The following MARCHF11 variants were observed in gnomAD, a reference collection of about 807,000 sequenced individuals.
The protein encoded by MARCHF11 is E3 ubiquitin-protein ligase MARCHF11.
Under a neutral mutation model 37.3 loss-of-function variants are expected in MARCHF11, and 29 were observed. That is an observed-to-expected ratio of 0.78 (90% CI 0.58 to 1.06). The LOEUF is 1.06. Ranked by LOEUF, MARCHF11 falls within the 50% of genes least tolerant of loss-of-function variation. The pLI is 0.00. For synonymous variants in MARCHF11, 233 were observed against 228.0 expected (o/e 1.02, Z -0.20); for missense variants, 482 against 533.4 (o/e 0.90, Z 0.95).
In MARCHF11 at chr5:16,136,282, GA is replaced by G. The variant is rs542237160; in HGVS notation, c.693+41443del. Among the ~76,000 whole-genome samples, 8 of 148,154 alleles carry G rather than the reference GA, an allele frequency of 5.4e-5. No homozygotes were observed. In the East Asian group the frequency reaches 7.8e-4, roughly 15 times the overall value. On this transcript the variant is annotated intron_variant, in intron 2 of 3. Transcript: ENST00000332432. ...ATATTCAAGGGTACATTGGGTACCA[GA>G]AAAAAAAAACTGATATGTAACAATA...
chr5:16,080,645 C>A (rs181083493), intron 3 of MARCHF11, among the ~76,000 whole-genome samples: 3 of 152,288 alleles, frequency 2.0e-5, no homozygotes, highest in African/African-American at 7.2e-5. Flanking sequence ...CTGTGAATGA[C>A]ACTTGAGGGT....
chr5:16,141,744 T>C (rs1737711314), intron 2 of MARCHF11: 1 of 152,206 alleles, frequency 6.6e-6, no homozygotes, highest in Admixed American at 6.5e-5. Flanking sequence ...AAAATGTGAA[T>C]TGAAACTCAA....
chr5:16,099,291 T>A (rs867936171), intron 2 of MARCHF11, among the ~76,000 whole-genome samples: 6 of 152,144 alleles, frequency 3.9e-5, no homozygotes, highest in Middle Eastern at 3.2e-3. Context: ...ATGGCAGAAA[T>A]TTGATACTGT....
At chr5:16,120,171 A>T (rs1318110349) in intron 2 of MARCHF11, among the ~76,000 whole-genome samples, 1 of 152,248 alleles carries the variant, frequency 6.6e-6, no homozygotes, top group Non-Finnish European at 1.5e-5. Flanking sequence ...TTCTTTAACA[A>T]ATATGTACTG....
At chr5:16,149,968 A>G (rs111565321) in intron 2 of MARCHF11, among the ~76,000 whole-genome samples, 4,113 of 150,168 alleles carry the variant, frequency 0.027, 533 homozygotes, top group African/African-American at 0.077. Flanking sequence ...CATTTATACA[A>G]AGTCCATAAA....
chr5:16,173,581 T>A (rs1738308962), intron 2 of MARCHF11, among the ~76,000 whole-genome samples: 2 of 152,134 alleles, frequency 1.3e-5, no homozygotes, highest in Admixed American at 1.3e-4. Context: ...ATCATGGATG[T>A]CAACTGATTT....
chr5:16,109,566 C>T (rs138308278), intron 2 of MARCHF11, among the ~76,000 whole-genome samples: 6 of 152,272 alleles, frequency 3.9e-5, no homozygotes, highest in East Asian at 1.9e-4. Flanking sequence ...GTTCCTGAGT[C>T]GTATCCTCTA....
At chr5:16,151,130 G>C (rs1394424289) in intron 2 of MARCHF11, among the ~76,000 whole-genome samples, 1 of 152,058 alleles carries the variant, frequency 6.6e-6, no homozygotes, top group Non-Finnish European at 1.5e-5. Context: ...AGAGGTTAGA[G>C]CATATATGTG....
At chr5:16,097,149 A>G (rs1262320845) in intron 2 of MARCHF11, among the ~76,000 whole-genome samples, 1 of 152,176 alleles carries the variant, frequency 6.6e-6, no homozygotes. Flanking sequence ...TAAAACTTAC[A>G]TTCAGTCATC....
At chr5:16,093,626 T>C (rs868472347) in intron 2 of MARCHF11, among the ~76,000 whole-genome samples, 7 of 152,116 alleles carry the variant, frequency 4.6e-5, no homozygotes, top group East Asian at 1.9e-4. Flanking sequence ...GGTGAATGAA[T>C]GAAGGGAGAG....
At chr5:16,099,313 T>C (rs1019524775) in intron 2 of MARCHF11, among the ~76,000 whole-genome samples, 4 of 152,180 alleles carry the variant, frequency 2.6e-5, no homozygotes, top group African/African-American at 9.6e-5. Context: ...TGGAGATATA[T>C]TTAGTGTTTC....
At chr5:16,131,015 T>C (rs968492992) in intron 2 of MARCHF11, among the ~76,000 whole-genome samples, 4 of 152,206 alleles carry the variant, frequency 2.6e-5, no homozygotes, top group African/African-American at 9.6e-5. Context: ...CCTTTAAATA[T>C]ACATGTGAAA....
intron 2 of MARCHF11, among the ~76,000 whole-genome samples, chr5:16,128,278 T>C (rs576596894): frequency 6.6e-6 from 1 of 152,250 alleles, no homozygotes; most frequent in Admixed American, 6.5e-5. Context: ...GCTTGGCTAT[T>C]TGAAGGCTCC....
intron 2 of MARCHF11, among the ~76,000 whole-genome samples, chr5:16,135,192 G>C (rs1431672675): frequency 6.6e-6 from 1 of 152,166 alleles, no homozygotes; most frequent in African/African-American, 2.4e-5. Flanking sequence ...GACTGGCATT[G>C]TTAAGTGCTG....
rs190097601 is a variant in MARCHF11, at chr5:16,123,811, C to T, written c.694-32730G>A. Among the ~76,000 whole-genome samples, 129 of 152,292 alleles carry T rather than the reference C, an allele frequency of 8.5e-4. 1 individual carries two copies. Among genetic ancestry groups the T allele is most frequent in the Non-Finnish European group, 1.6e-3 (110 of 68,030 alleles). On this transcript the variant is annotated intron_variant, in intron 2 of 3. Transcript: ENST00000332432. ...TGGATTTGCAAGAGACTATTTTTAA[C>T]ATGTGCTCCCTTGCTATATTAAATA...
intron 1 of MARCHF11, 22 bp downstream of exon 1, chr5:16,179,017 T>C: frequency 7.0e-7 from 1 of 1,426,152 alleles, no homozygotes. Flanking sequence ...ACCGGCTGCC[T>C]CGGGGTCTCG....
chr5:16,075,305 G>A (rs1736498768), intron 3 of MARCHF11, among the ~76,000 whole-genome samples: 1 of 152,166 alleles, frequency 6.6e-6, no homozygotes, highest in South Asian at 2.1e-4. Context: ...TCTTACATTT[G>A]CACAACGAAG....
At chr5:16,126,933 T>G (rs1196233670) in intron 2 of MARCHF11, among the ~76,000 whole-genome samples, 1 of 152,166 alleles carries the variant, frequency 6.6e-6, no homozygotes, top group Non-Finnish European at 1.5e-5. Context: ...TGGGGGAATA[T>G]TTTTAAGGGG....
chr5:16,151,714 G>A (rs962479424), intron 2 of MARCHF11, among the ~76,000 whole-genome samples: 8 of 148,546 alleles, frequency 5.4e-5, no homozygotes, highest in Admixed American at 1.4e-4. Context: ...GAAAGCTGAT[G>A]TCAATCAGAA....
Sources: allele counts gnomAD v4.1 joint callset (sites outside exome capture counted in the v4.1 genomes callset), GRCh38; gene constraint gnomAD v4.1.1; transcripts MANE v1.5; gene names NCBI Gene and HGNC (gene_info 2026-07-23, HGNC 2026-07-21).